Variants in NDRG4 observed in about 807,000 individuals in gnomAD.
NDRG4 encodes protein NDRG4.
Under a neutral mutation model 55.8 loss-of-function variants are expected in NDRG4, and 38 were observed. The observed-to-expected ratio is 0.68, with a 90% CI of 0.53 to 0.89. The LOEUF is 0.89. NDRG4 is among the 40% of genes least tolerant of loss of function. The pLI is 0.00. For synonymous variants in NDRG4, 190 were observed against 182.7 expected (o/e 1.04, Z -0.32); for missense variants, 455 against 468.6 (o/e 0.97, Z 0.27).
chr16:58,482,632 T>C (rs1210006063), intron 1 of NDRG4, among the ~76,000 whole-genome samples: 1 of 146,558 alleles, frequency 6.8e-6, no homozygotes, highest in Non-Finnish European at 1.5e-5. Flanking sequence ...TCTTCTCTTT[T>C]TCCTTCCTTC....
intron 1 of NDRG4, among the ~76,000 whole-genome samples, chr16:58,502,373 G>C (rs540871713): frequency 6.6e-6 from 1 of 152,230 alleles, no homozygotes; most frequent in South Asian, 2.1e-4. Context: ...CAGCCGCATG[G>C]CTCACCCTAA....
chr16:58,510,906 G>C, intron 14 of NDRG4: 1 of 594,886 alleles, frequency 1.7e-6, no homozygotes, highest in Non-Finnish European at 3.0e-6. Context: ...GTCATGAGCT[G>C]CGTGGCTTCC....
chr16:58,504,425 A>G lies in NDRG4; in HGVS notation c.311+4A>G. On this transcript the variant is annotated splice_donor_region_variant and intron_variant, in intron 4 of 14. Transcript: ENST00000570248. ...CCAGCGTGGTGCAGCATTTCGGGTG[A>G]GTCCCCGCACAGCCCCTGCGCTAGG... 1.2e-6 allele frequency: 2 copies of G among 1,612,302 alleles called. No individual in the cohort carries two copies. Among genetic ancestry groups the G allele is most frequent in the Non-Finnish European group, 1.7e-6 (2 of 1,180,024 alleles).
rs368371157 is a variant in NDRG4 at position 58,508,699 on chromosome 16, C to A, written c.730-263C>A. ...GGCCAGTCCCACCACGGCAGCCCAG[C>A]CCTCGCCTGACTCCCACTCCTAGCA... On this transcript the variant is annotated intron_variant, in intron 10 of 14. Transcript: ENST00000570248. Among the ~76,000 whole-genome samples, 13 of 152,330 alleles carry A rather than the reference C, an allele frequency of 8.5e-5. No homozygotes were observed. In the East Asian group the frequency reaches 2.5e-3, roughly 29 times the overall value.
chr16:58,494,911 C>T, intron 2 of NDRG4: 1 of 1,575,242 alleles, frequency 6.3e-7, no homozygotes, highest in Non-Finnish European at 8.7e-7. Flanking sequence ...CCCACGGGCT[C>T]CCCAGACCAG....
chr16:58,508,059 C>T, intron 10 of NDRG4, 60 bp downstream of exon 10: 2 of 1,448,866 alleles, frequency 1.4e-6, no homozygotes, highest in Non-Finnish European at 1.9e-6. Flanking sequence ...GCTCACTGGC[C>T]CCTGCCCAGC....
Position 58,511,777 on chromosome 16 carries a change from C to G in NDRG4, c.*201C>G. 2.9e-6 allele frequency: 2 copies of G among 694,716 alleles called. No individual in the cohort carries two copies. Among genetic ancestry groups the G allele is most frequent in the South Asian group, 3.3e-5 (2 of 61,050 alleles). The allele number at this position is 694,716 out of a possible 1,614,324, so 43.0% of individuals were successfully genotyped here. A position where few individuals can be genotyped will look rare whatever the true frequency, so the allele number is the denominator to read the frequency against. ...GCTCAGTCCTCCTCATCCCATCTCA[C>G]TCTCCGTGGTAACTTAGCCAACTTG... On this transcript the variant is annotated 3_prime_UTR_variant, in exon 15 of 15. Coordinates refer to ENST00000570248, the MANE Select transcript of NDRG4 (RefSeq NM_001242835.2).
At chr16:58,472,558 C>T (rs367687630) in intron 1 of NDRG4, among the ~76,000 whole-genome samples, 1 of 152,168 alleles carries the variant, frequency 6.6e-6, no homozygotes, top group African/African-American at 2.4e-5. Flanking sequence ...TGGGACCATG[C>T]AGGAGAGAAT....
intron 2 of NDRG4, chr16:58,494,853 G>GAA (rs2036216909): frequency 2.7e-6 from 2 of 732,704 alleles, no homozygotes; most frequent in Middle Eastern, 3.1e-4. Flanking sequence ...AAAAAGAAAA[G>GAA]AAAAGAGAAA....
intron 1 of NDRG4, chr16:58,501,981 T>A (rs1330100562): frequency 2.2e-6 from 1 of 455,866 alleles, no homozygotes; most frequent in South Asian, 1.5e-5. Flanking sequence ...AGCCCCACCC[T>A]CCAGAGCTGA....
chr16:58,493,149 T>C (rs2151721931), intron 2 of NDRG4, among the ~76,000 whole-genome samples: 1 of 152,360 alleles, frequency 6.6e-6, no homozygotes, highest in Admixed American at 6.5e-5. Flanking sequence ...TCTTCTGCTT[T>C]CCACTCCTGT....
intron 1 of NDRG4, chr16:58,501,201 A>T (rs532650878): frequency 1.8e-6 from 1 of 544,632 alleles, no homozygotes; most frequent in Non-Finnish European, 2.8e-6. Flanking sequence ...CACGGAGGTG[A>T]CGACGTCAGC....
chr16:58,508,827 C>T (rs908079924), intron 10 of NDRG4, 135 bp from the exon 11 acceptor site: 2 of 894,484 alleles, frequency 2.2e-6, no homozygotes, highest in Admixed American at 2.1e-5. Flanking sequence ...GGAGGAGCAG[C>T]CTGTCACAGC....
At chr16:58,486,371 G>T (rs1179250143) in intron 1 of NDRG4, among the ~76,000 whole-genome samples, 3 of 151,368 alleles carry the variant, frequency 2.0e-5, no homozygotes, top group Non-Finnish European at 2.9e-5. Flanking sequence ...TGTTGTCCAG[G>T]TTGGTCCTGA....
chr16:58,512,185 G>C lies in NDRG4; in HGVS notation c.*609G>C. Reference sequence around the variant, plus strand: ...TCAAGGGGTTTCTCTGCCCAAGGAAGACAGAACATGGAGAACCGTCAGGGC... The same window carrying C: ...TCAAGGGGTTTCTCTGCCCAAGGAACACAGAACATGGAGAACCGTCAGGGC... On this transcript the variant is annotated 3_prime_UTR_variant, in exon 15 of 15. Coordinates refer to ENST00000570248, the MANE Select transcript of NDRG4 (RefSeq NM_001242835.2). 4.5e-6 allele frequency: 2 copies of C among 444,084 alleles called. No individual in the cohort carries two copies. The highest frequency in any genetic ancestry group is 3.2e-5 in the South Asian group (2 of 62,016). The allele number at this position is 444,084 out of a possible 1,614,324, so 27.5% of individuals were successfully genotyped here. A position where few individuals can be genotyped will look rare whatever the true frequency, so the allele number is the denominator to read the frequency against.
chr16:58,487,808 TGAG>T (rs1377480361), exon 2 of NDRG4: 15 of 1,543,652 alleles, frequency 9.7e-6, no homozygotes, highest in African/African-American at 1.4e-5. Flanking sequence ...TGCGATTCCC[TGAG>T]GAGAAGCCGC....
At chr16:58,485,314 G>A (rs961267473) in intron 1 of NDRG4, among the ~76,000 whole-genome samples, 1 of 152,084 alleles carries the variant, frequency 6.6e-6, no homozygotes, top group African/African-American at 2.4e-5. Context: ...AGACATTCCC[G>A]GTTCTCTGGA....
intron 1 of NDRG4, chr16:58,487,685 C>G: frequency 7.8e-7 from 1 of 1,283,028 alleles, no homozygotes; most frequent in Non-Finnish European, 1.1e-6. Context: ...GCCCCAGCCC[C>G]GACTTGCGCT....
At chr16:58,484,110 A>C (rs2034790815) in intron 1 of NDRG4, among the ~76,000 whole-genome samples, 1 of 152,006 alleles carries the variant, frequency 6.6e-6, no homozygotes, top group Non-Finnish European at 1.5e-5. Flanking sequence ...CAAACAAAAA[A>C]GGTCATTTTT....
Sources: allele counts gnomAD v4.1 joint callset (sites outside exome capture counted in the v4.1 genomes callset), GRCh38; gene constraint gnomAD v4.1.1; transcripts MANE v1.5; gene names NCBI Gene and HGNC (gene_info 2026-07-23, HGNC 2026-07-21).